The following TTLL4 variants were observed in gnomAD, a reference collection of about 807,000 sequenced individuals.
TTLL4 encodes tubulin monoglutamylase TTLL4.
A neutral mutation model predicts 122.7 loss-of-function variants in TTLL4; 85 were observed. The ratio of observed to expected loss-of-function variants is 0.69; its 90% CI spans 0.58 to 0.83. The LOEUF (loss-of-function observed/expected upper bound fraction) is 0.83, where lower values mean the gene tolerates loss of function less well. Ranked by LOEUF, TTLL4 falls within the 40% of genes least tolerant of loss-of-function variation. TTLL4 has a pLI of 0.00. For synonymous variants in TTLL4, 553 were observed against 563.0 expected (o/e 0.98, Z 0.25); for missense variants, 1,363 against 1,488.6 (o/e 0.92, Z 1.39).
chr2:218,714,459 G>T (rs1264525006), intron 1 of TTLL4, among the ~76,000 whole-genome samples: 1 of 152,148 alleles, frequency 6.6e-6, no homozygotes, highest in African/African-American at 2.4e-5. Context: ...AGGTGCTTTG[G>T]TAAATCACCA....
At chr2:218,751,026 A>C (rs1421227660) in intron 15 of TTLL4, among the ~76,000 whole-genome samples, 2 of 152,208 alleles carry the variant, frequency 1.3e-5, no homozygotes, top group African/African-American at 4.8e-5. Context: ...TGGTTTACAG[A>C]GGAGAAAACT....
Position 218,740,052 on chromosome 2 carries a change from T to C in TTLL4, c.1488-6T>C. On this transcript the variant is annotated splice_polypyrimidine_tract_variant and splice_region_variant and intron_variant, in intron 3 of 19. Transcript: ENST00000392102. Reference sequence around the variant, plus strand: ...ACTAGGCTGGGGGCATGATTCTTTCTTTTAGTTCAGCTACTGACCTCCAGC... The same window carrying C: ...ACTAGGCTGGGGGCATGATTCTTTCCTTTAGTTCAGCTACTGACCTCCAGC... The C allele has an allele frequency of 6.2e-7, 1 of 1,613,702 alleles. No homozygotes were observed. Among genetic ancestry groups the C allele is most frequent in the South Asian group, 1.1e-5 (1 of 91,042 alleles).
intron 1 of TTLL4, among the ~76,000 whole-genome samples, chr2:218,719,930 C>T (rs576518819): frequency 6.6e-6 from 1 of 152,234 alleles, no homozygotes; most frequent in African/African-American, 2.4e-5. Flanking sequence ...GATCTAGGGG[C>T]ATGGTGGAAA....
At position 218,738,132 on chromosome 2, in the gene TTLL4, C is replaced by T; in HGVS notation, c.456C>T (p.Ser152=). ...GCCCTTTTTCTCTCCCTCAAAAGAG[C>T]CTCCCTGTCAGTCTCACTGCCAACA... is the stretch of plus-strand genomic sequence containing the variant. The part of the protein sequence containing the change: ...EKSPFSLPQK[S]LPVSLTANKA... Residue 152 remains serine (S), a synonymous_variant, in exon 3 of 20, where the codon AGC becomes AGT. Transcript: ENST00000392102. 2 of 1,614,112 alleles carry T rather than the reference C, an allele frequency of 1.2e-6. No individual in the cohort carries two copies. Among genetic ancestry groups the T allele is most frequent in the Non-Finnish European group, 1.7e-6 (2 of 1,180,038 alleles).
chr2:218,713,108 G>A (rs189158570), intron 1 of TTLL4, among the ~76,000 whole-genome samples: 1 of 152,284 alleles, frequency 6.6e-6, no homozygotes, highest in African/African-American at 2.4e-5. Flanking sequence ...ACTGGGTGTT[G>A]TGGCTCACAC....
chr2:218,742,208 A>G (rs7595901), intron 5 of TTLL4, among the ~76,000 whole-genome samples: 80,997 of 151,960 alleles, frequency 0.53, 23,156 homozygotes, highest in African/African-American at 0.73. Flanking sequence ...GGCCTCAAGT[A>G]ATCCTCTTGC....
At chr2:218,731,401 ACT>A (rs1293739563) in intron 2 of TTLL4, among the ~76,000 whole-genome samples, 2 of 151,168 alleles carry the variant, frequency 1.3e-5, no homozygotes, top group Non-Finnish European at 2.9e-5. Flanking sequence ...ACAGAGTGAG[ACT>A]CTGTTTCCAA....
chr2:218,750,087 C>T lies in TTLL4; in HGVS notation c.2814C>T (p.Val938=), dbSNP rs746888331. The T allele has an allele frequency of 3.0e-5, 49 of 1,613,994 alleles. No homozygotes were observed. Among genetic ancestry groups the T allele is most frequent in the Non-Finnish European group, 4.1e-5 (48 of 1,179,990 alleles). The change falls in exon 15 of 20, where the codon GTC becomes GTT. Residue 938 remains valine, a synonymous_variant. Coordinates refer to ENST00000392102, the MANE Select transcript of TTLL4 (RefSeq NM_014640.5). Reference sequence around the variant, plus strand: ...ACCTTCTGAATCTGGCAGGTTTTGTCCTGCCCAATGCAGAGGATATCATTT... The same window carrying T: ...ACCTTCTGAATCTGGCAGGTTTTGTTCTGCCCAATGCAGAGGATATCATTT... The part of the protein sequence containing the change: ...IRDLLNLAGF[V]LPNAEDIISS...
intron 2 of TTLL4, among the ~76,000 whole-genome samples, chr2:218,730,068 A>G (rs1942323268): frequency 6.6e-6 from 1 of 152,142 alleles, no homozygotes; most frequent in Non-Finnish European, 1.5e-5. Flanking sequence ...ACAAGATCAT[A>G]TGTCCTACAA....
intron 5 of TTLL4, among the ~76,000 whole-genome samples, chr2:218,742,880 T>C (rs1942739603): frequency 6.6e-6 from 1 of 152,136 alleles, no homozygotes; most frequent in Non-Finnish European, 1.5e-5. Context: ...CCCAGCACTT[T>C]GGGAGGCTGA....
Position 218,754,366 on chromosome 2 carries a change from TC to T in TTLL4, c.3580del (p.Leu1194SerfsTer4). The T allele has an allele frequency of 6.2e-7, 1 of 1,614,154 alleles. No homozygotes were observed. Among genetic ancestry groups the T allele is most frequent in the Non-Finnish European group, 8.5e-7 (1 of 1,180,026 alleles). ...ASSTFQSISD[S>X]LLAVSP is the part of the protein sequence containing the mutation. The stretch of plus-strand genomic sequence containing the variant: ...CTCCACTTTCCAGTCAATCAGTGAC[TC>T]CCTCCTGGCTGTGAGCCCATAACTG... On this transcript the variant is annotated frameshift_variant, in exon 20 of 20. Transcript: ENST00000392102. LOFTEE classifies it high-confidence loss of function.
At chr2:218,745,668 C>T in intron 6 of TTLL4, 23 bp from the exon 7 acceptor site, 3 of 1,524,158 alleles carry the variant, frequency 2.0e-6, no homozygotes, top group Non-Finnish European at 2.7e-6. Context: ...CCCCCATCCC[C>T]ACACCCCTTG....
intron 2 of TTLL4, 52 bp from the exon 3 acceptor site, chr2:218,737,527 G>T (rs1665469233): frequency 2.6e-5 from 24 of 932,474 alleles, no homozygotes; most frequent in South Asian, 1.4e-4. Context: ...CTGTAGCATG[G>T]TGTCCGTTCT....
At chr2:218,748,608 T>C in intron 12 of TTLL4, 1 of 442,708 alleles carries the variant, frequency 2.3e-6, no homozygotes, top group Non-Finnish European at 3.9e-6. Context: ...TGAGCTGAGA[T>C]CGCGCCACTT....
At chr2:218,728,936 T>C (rs1410612635) in intron 2 of TTLL4, among the ~76,000 whole-genome samples, 1 of 103,294 alleles carries the variant, frequency 9.7e-6, no homozygotes, top group Non-Finnish European at 2.0e-5. Context: ...TTTTTTTTTT[T>C]TTTTTGGCGG....
In TTLL4 at chr2:218,751,904, C is replaced by CTTT. The variant is rs879049551; in HGVS notation, c.2976+101_2976+103dup. On this transcript the variant is annotated intron_variant, in intron 16 of 19. Transcript: ENST00000392102. ...CAGCTTTTCTTTTTTTTTTTCTTTT[C>CTTT]TTTTTCTTTTTTTTTTTTTTGAGAT... is the stretch of plus-strand genomic sequence containing the variant. 865 of 528,488 alleles carry CTTT rather than the reference C, an allele frequency of 1.6e-3. 16 individuals are homozygous for CTTT. Among genetic ancestry groups the CTTT allele is most frequent in the Non-Finnish European group, 2.0e-3 (693 of 351,370 alleles). The allele number at this position is 528,488 out of a possible 1,614,324, so 32.7% of individuals were successfully genotyped here. A position where few individuals can be genotyped will look rare whatever the true frequency, so the allele number is the denominator to read the frequency against.
chr2:218,725,886 A>G (rs1419271477), intron 1 of TTLL4, among the ~76,000 whole-genome samples: 1 of 152,128 alleles, frequency 6.6e-6, no homozygotes, highest in Non-Finnish European at 1.5e-5. Flanking sequence ...AAGTTGCTGT[A>G]GCTATTATTA....
chr2:218,730,831 G>A (rs1438067672), intron 2 of TTLL4, among the ~76,000 whole-genome samples: 5 of 152,078 alleles, frequency 3.3e-5, no homozygotes, highest in Non-Finnish European at 5.9e-5. Flanking sequence ...CATGCCGGGT[G>A]TGGTGGCTCA....
At chr2:218,716,269 C>G (rs1174095240) in intron 1 of TTLL4, among the ~76,000 whole-genome samples, 1 of 152,176 alleles carries the variant, frequency 6.6e-6, no homozygotes, top group African/African-American at 2.4e-5. Flanking sequence ...AGAACCTTTG[C>G]CAAATAATGA....
Sources: allele counts gnomAD v4.1 joint callset (sites outside exome capture counted in the v4.1 genomes callset), GRCh38; gene constraint gnomAD v4.1.1; transcripts MANE v1.5; gene names NCBI Gene and HGNC (gene_info 2026-07-23, HGNC 2026-07-21).